The following CRACD variants were observed in gnomAD, a reference collection of about 807,000 sequenced individuals.
CRACD encodes capping protein-inhibiting regulator of actin dynamics.
In CRACD, 56 loss-of-function variants were observed where a neutral mutation model predicts 106.8. The ratio of observed to expected loss-of-function variants is 0.52; its 90% confidence interval spans 0.42 to 0.66. CRACD has a LOEUF of 0.66. Ranked by LOEUF, CRACD falls within the 30% of genes least tolerant of loss-of-function variation. CRACD has a pLI of 0.00. For synonymous variants in CRACD, 754 were observed against 670.8 expected (o/e 1.12, Z -1.92); for missense variants, 1,730 against 1,623.2 (o/e 1.07, Z -1.13).
chr4:56,200,911 C>T (rs1737853090), intron 2 of CRACD, among the ~76,000 whole-genome samples: 1 of 151,996 alleles, frequency 6.6e-6, no homozygotes, highest in Admixed American at 6.6e-5. Context: ...ACGCAGTTGT[C>T]CAATCATCAC....
At chr4:56,060,577 G>A (rs1413185695) in intron 1 of CRACD, among the ~76,000 whole-genome samples, 3 of 152,086 alleles carry the variant, frequency 2.0e-5, no homozygotes, top group Admixed American at 6.6e-5. Context: ...GGAACGTCAG[G>A]CATGGAGGGG....
chr4:56,090,377 G>A (rs17086272), intron 1 of CRACD, among the ~76,000 whole-genome samples: 2,480 of 152,146 alleles, frequency 0.016, 79 homozygotes, highest in African/African-American at 0.057. Flanking sequence ...GGCTGGGTCC[G>A]AGGATGAGCA....
At chr4:56,055,150 A>G (rs1227402125) in intron 1 of CRACD, among the ~76,000 whole-genome samples, 2 of 152,140 alleles carry the variant, frequency 1.3e-5, no homozygotes, top group Non-Finnish European at 2.9e-5. Context: ...CTAAAAAGGC[A>G]TTTTGTTTTT....
chr4:56,322,120 G>A (rs889459855), intron 8 of CRACD, among the ~76,000 whole-genome samples: 9 of 152,152 alleles, frequency 5.9e-5, no homozygotes, highest in Non-Finnish European at 1.2e-4. Flanking sequence ...GATTATCTCT[G>A]AACATGCATA....
intron 1 of CRACD, among the ~76,000 whole-genome samples, chr4:56,057,799 A>ATTTTTTTTTTTTTG (rs1732129951): frequency 2.3e-5 from 1 of 43,482 alleles, no homozygotes; most frequent in East Asian, 5.3e-4. Flanking sequence ...CATTTTTTGT[A>ATTTTTTTTTTTTTG]TTTTTTTTTT....
Position 56,314,857 on chromosome 4 carries a change from A to C in CRACD, c.1355A>C (p.Glu452Ala), listed in dbSNP as rs1446294346. Residue 452 changes from glutamate (E) to alanine (A), a missense_variant, in exon 8 of 11, where the codon GAG becomes GCG. Physicochemically the swap from Glu to Ala is moderately radical, Grantham distance 107. Coordinates refer to ENST00000682029, the MANE Select transcript of CRACD (RefSeq NM_001393381.1). The surrounding 1 kb of genome is among the most constrained non-coding windows in gnomAD (Gnocchi z 4.4). Reference protein sequence around the residue: ...REHSEEPGICEEQNPEAERRR... With the variant: ...REHSEEPGICAEQNPEAERRR... ...CACTCCGAGGAGCCAGGTATTTGCG[A>C]GGAGCAGAACCCAGAGGCCGAGCGG... 6.2e-7 allele frequency: 1 copy of C among 1,612,190 alleles called. No homozygotes were observed. The highest frequency in any genetic ancestry group is 2.2e-5 in the East Asian group (1 of 44,794).
chr4:56,226,844 C>G (rs943008736), intron 2 of CRACD, among the ~76,000 whole-genome samples: 8 of 151,458 alleles, frequency 5.3e-5, no homozygotes, highest in South Asian at 2.1e-4. Context: ...CTCTCTCTCT[C>G]TGTGTGTGTC....
intron 1 of CRACD, among the ~76,000 whole-genome samples, chr4:56,144,660 CTTT>C (rs59754348): frequency 0.013 from 1,912 of 143,416 alleles, 46 homozygotes; most frequent in East Asian, 0.07. Flanking sequence ...CTTTCTTCTT[CTTT>C]TTTTTTTTTT....
chr4:56,226,300 AG>A (rs1382549866), intron 2 of CRACD, among the ~76,000 whole-genome samples: 6 of 152,168 alleles, frequency 3.9e-5, no homozygotes, highest in Non-Finnish European at 7.3e-5. Context: ...TTTGGGATCT[AG>A]GAATTGTGTT....
intron 1 of CRACD, among the ~76,000 whole-genome samples, chr4:56,121,427 C>T (rs1007120452): frequency 2.0e-5 from 3 of 152,040 alleles, no homozygotes; most frequent in Admixed American, 6.6e-5. Context: ...ATGCTGTTTA[C>T]GAGGTCAGGA....
intron 2 of CRACD, among the ~76,000 whole-genome samples, chr4:56,217,660 C>G (rs1348817717): frequency 2.6e-5 from 4 of 152,160 alleles, no homozygotes; most frequent in Non-Finnish European, 5.9e-5. Flanking sequence ...AGAGTCCGTT[C>G]TGTCAGTATT....
At position 56,298,286 on chromosome 4, in the gene CRACD, A is replaced by C. The variant is rs1326754573; in HGVS notation, c.57A>C (p.Glu19Asp). 8 of 1,614,212 alleles carry C rather than the reference A, an allele frequency of 5.0e-6. No homozygotes were observed. In the South Asian group the frequency reaches 8.8e-5, roughly 18 times the overall value. ...TTTTTATCCCTGATGGGGGAGCAGAAAGTGAGCAGACAGTTCAAGCAATGT... is the reference window on the plus strand; with the variant it reads ...TTTTTATCCCTGATGGGGGAGCAGACAGTGAGCAGACAGTTCAAGCAATGT... ...DSIFIPDGGA[E>D]SEQTVQAMSQ... is the part of the protein sequence containing the mutation. Residue 19 changes from glutamate to aspartate, a missense_variant, in exon 4 of 11, where the codon GAA (glutamate) becomes GAC (aspartate). Around this residue, in one of 5 missense-constraint regions of CRACD, gnomAD observed 1,620 missense variants for 1,481.6 expected, o/e 1.09. Coordinates refer to ENST00000682029, the MANE Select transcript of CRACD (RefSeq NM_001393381.1).
In CRACD at chr4:56,327,995, C is replaced by G. The variant is rs944627690; in HGVS notation, c.*191C>G. On this transcript the variant is annotated 3_prime_UTR_variant, in exon 11 of 11. Coordinates refer to ENST00000682029, the MANE Select transcript of CRACD (RefSeq NM_001393381.1). ...GAGTGGATTTGCACAACCCTAGGTCCTGGTGCCTCGAGCTCCTCCTAGTTC... is the reference window on the plus strand; with the variant it reads ...GAGTGGATTTGCACAACCCTAGGTCGTGGTGCCTCGAGCTCCTCCTAGTTC... The G allele has an allele frequency of 3.8e-6, 2 of 530,822 alleles. No individual in the cohort carries two copies. The highest frequency in any genetic ancestry group is 6.5e-6 in the Non-Finnish European group (2 of 309,224). 32.9% of individuals were successfully genotyped at this position (530,822 alleles called of 1,614,324 possible). A position where few individuals can be genotyped will look rare whatever the true frequency, so the allele number is the denominator to read the frequency against.
At chr4:56,222,603 T>C (rs946027964) in intron 2 of CRACD, among the ~76,000 whole-genome samples, 1 of 152,204 alleles carries the variant, frequency 6.6e-6, no homozygotes, top group Non-Finnish European at 1.5e-5. Flanking sequence ...TTTATGCCTT[T>C]TTTAACTTTG....
intron 1 of CRACD, among the ~76,000 whole-genome samples, chr4:56,110,368 G>C (rs555933889): frequency 6.6e-6 from 1 of 152,226 alleles, no homozygotes; most frequent in South Asian, 2.1e-4. Context: ...CCTCATCAAA[G>C]TAGAGATGTC....
At chr4:56,145,666 C>A (rs140134427) in intron 1 of CRACD, among the ~76,000 whole-genome samples, 93 of 151,998 alleles carry the variant, frequency 6.1e-4, no homozygotes, top group Admixed American at 2.5e-3. Context: ...GGCTGGAGTG[C>A]GGTGTTGTGA....
intron 3 of CRACD, among the ~76,000 whole-genome samples, chr4:56,296,136 A>C (rs1365859489): frequency 6.6e-6 from 1 of 152,148 alleles, no homozygotes; most frequent in Non-Finnish European, 1.5e-5. Flanking sequence ...TGGCAATACT[A>C]TATGACCTTC....
intron 2 of CRACD, among the ~76,000 whole-genome samples, chr4:56,194,339 G>C (rs1737508360): frequency 6.6e-6 from 1 of 152,114 alleles, no homozygotes; most frequent in South Asian, 2.1e-4. Flanking sequence ...TAGGGTGATG[G>C]GATTTAAGTG....
intron 1 of CRACD, among the ~76,000 whole-genome samples, chr4:56,064,886 C>G (rs2109789750): frequency 6.6e-6 from 1 of 152,246 alleles, no homozygotes; most frequent in South Asian, 2.1e-4. Flanking sequence ...TCTTAGTGAT[C>G]TGTATCTGGA....
Sources: allele counts gnomAD v4.1 joint callset (sites outside exome capture counted in the v4.1 genomes callset), GRCh38; gene constraint gnomAD v4.1.1; regional missense constraint gnomAD v4.1.1; non-coding constraint Gnocchi (gnomAD v3.1); transcripts MANE v1.5; gene names NCBI Gene and HGNC (gene_info 2026-07-23, HGNC 2026-07-21).